BCAS1: variants seen among roughly 807,000 people sequenced by gnomAD.
The protein encoded by BCAS1 is breast carcinoma-amplified sequence 1.
Under a neutral mutation model 65.4 loss-of-function variants are expected in BCAS1, and 46 were observed. That is an observed-to-expected ratio of 0.70 (90% confidence interval 0.55 to 0.90). The LOEUF (loss-of-function observed/expected upper bound fraction) is 0.90, where lower values mean the gene tolerates loss of function less well. Ranked by LOEUF, BCAS1 falls within the 40% of genes least tolerant of loss-of-function variation. The pLI is 0.00. For missense variants in BCAS1, 793 were observed against 771.2 expected, an observed-to-expected ratio of 1.03 and a Z score of -0.33; for synonymous variants, 298 against 293.5, an observed-to-expected ratio of 1.02 and a Z score of -0.16.
At chr20:54,061,529 GA>G (rs1335202819) in intron 1 of BCAS1, among the ~76,000 whole-genome samples, 3 of 152,210 alleles carry the variant, frequency 2.0e-5, no homozygotes, top group African/African-American at 4.8e-5. Context: ...AGGAGTCAAT[GA>G]GTCACCAGGG....
chr20:53,981,184 C>A (rs755004296), intron 8 of BCAS1, among the ~76,000 whole-genome samples: 2 of 152,196 alleles, frequency 1.3e-5, no homozygotes, highest in Non-Finnish European at 2.9e-5. Context: ...TCATTTTGAT[C>A]ATGTGACAGC....
rs573246059 is a variant in BCAS1, at chr20:54,070,053, G to A, written c.-6+380C>T. Among the ~76,000 whole-genome samples, 25 of 152,240 alleles carry A rather than the reference G, an allele frequency of 1.6e-4. No individual in the cohort carries two copies. In the South Asian group the frequency reaches 4.1e-3, roughly 25 times the overall value. On this transcript the variant is annotated intron_variant, in intron 1 of 12. Coordinates refer to ENST00000688948, the MANE Select transcript of BCAS1 (RefSeq NM_001366298.2). ...TGAGGTGAAGGCTCAGATTCCACTC[G>A]GCTATGGGGCATTCTTGCCCTGACG... is the stretch of plus-strand genomic sequence containing the variant.
At chr20:53,987,146 T>C (rs751298613) in intron 7 of BCAS1, among the ~76,000 whole-genome samples, 108 of 152,216 alleles carry the variant, frequency 7.1e-4, no homozygotes, top group Non-Finnish European at 1.3e-3. Flanking sequence ...TACTATTTGA[T>C]GCAAGACACA....
chr20:54,028,815 A>G lies in BCAS1; in HGVS notation c.300T>C (p.Ser100=). 1 of 1,614,038 alleles carries G rather than the reference A, an allele frequency of 6.2e-7. No individual in the cohort carries two copies. Among genetic ancestry groups the G allele is most frequent in the East Asian group, 2.2e-5 (1 of 44,862 alleles). ...CTCCGGTACGTCCTGGTACAGGCCGAGAGAGCATCAAGAAAAAACGAGATT... is the reference window on the plus strand; with the variant it reads ...CTCCGGTACGTCCTGGTACAGGCCGGGAGAGCATCAAGAAAAAACGAGATT... ...AAKSRFFLML[S]RPVPGRTGDQ... is the part of the protein sequence containing the mutation. Residue 100 remains serine, a synonymous_variant, in exon 4 of 13, where the codon TCT becomes TCC. Coordinates refer to ENST00000688948, the MANE Select transcript of BCAS1 (RefSeq NM_001366298.2).
At chr20:53,999,584 G>T (rs2091006905) in intron 4 of BCAS1, among the ~76,000 whole-genome samples, 1 of 151,496 alleles carries the variant, frequency 6.6e-6, no homozygotes, top group Non-Finnish European at 1.5e-5. Context: ...TTTTCCCCCT[G>T]GGTCACTCTT....
chr20:53,959,288 C>T (rs2089801510), intron 10 of BCAS1, among the ~76,000 whole-genome samples: 2 of 151,286 alleles, frequency 1.3e-5, no homozygotes, highest in Admixed American at 6.6e-5. Flanking sequence ...GAGTCTCACT[C>T]TCTTGCCCAA....
chr20:54,014,516 T>C (rs931337656), intron 4 of BCAS1, among the ~76,000 whole-genome samples: 1 of 152,248 alleles, frequency 6.6e-6, no homozygotes, highest in African/African-American at 2.4e-5. Flanking sequence ...AAATATAAGA[T>C]AAGGCTTAAA....
At chr20:54,066,815 A>T (rs756021) in intron 1 of BCAS1, among the ~76,000 whole-genome samples, 1 of 152,036 alleles carries the variant, frequency 6.6e-6, no homozygotes, top group Non-Finnish European at 1.5e-5. Context: ...TTTGGTTACC[A>T]CAGCCCAAGC....
chr20:54,066,371 C>A (rs190892555), intron 1 of BCAS1, among the ~76,000 whole-genome samples: 1 of 152,274 alleles, frequency 6.6e-6, no homozygotes, highest in African/African-American at 2.4e-5. Context: ...CGGGCCCGGC[C>A]GAGGCAGGTA....
intron 3 of BCAS1, among the ~76,000 whole-genome samples, chr20:54,046,528 CAAAAA>C (rs71196442): frequency 1.8e-5 from 1 of 54,214 alleles, no homozygotes; most frequent in Non-Finnish European, 3.6e-5. Flanking sequence ...GACTCCATCT[CAAAAA>C]AAAAAAAAAA....
chr20:54,021,771 A>C (rs1200089369), intron 4 of BCAS1, among the ~76,000 whole-genome samples: 1 of 152,196 alleles, frequency 6.6e-6, no homozygotes, highest in Admixed American at 6.5e-5. Flanking sequence ...TAGCTAATGC[A>C]TGCTGGGCTT....
In BCAS1 at chr20:54,041,908, C is replaced by CAAAAAA. The variant is rs1391284796; in HGVS notation, c.143-12937_143-12936insTTTTTT. Among the ~76,000 whole-genome samples, 348 of 67,174 alleles carry CAAAAAA rather than the reference C, an allele frequency of 5.2e-3. 42 individuals are homozygous for CAAAAAA. The highest frequency in any genetic ancestry group is 0.014 in the South Asian group (19 of 1,326). The allele number at this position is 67,174 out of a possible 152,430, so 44.1% of individuals were successfully genotyped here. On this transcript the variant is annotated intron_variant, in intron 3 of 12. Transcript: ENST00000688948. ...AGTTCAGAGTGAGACTCTGTCTCCC[C>CAAAAAA]CAAAAAAAAAAAAAAAAAAAAAAGA... is the stretch of plus-strand genomic sequence containing the variant.
At chr20:53,959,340 G>C (rs998360585) in intron 10 of BCAS1, among the ~76,000 whole-genome samples, 3 of 150,948 alleles carry the variant, frequency 2.0e-5, no homozygotes, top group Admixed American at 1.3e-4. Context: ...TGCAGCTTCT[G>C]CCTCCCAGGT....
At chr20:54,065,185 T>TCA (rs3043225) in intron 1 of BCAS1, among the ~76,000 whole-genome samples, 95,225 of 150,670 alleles carry the variant, frequency 0.63, 30,934 homozygotes, top group African/African-American at 0.76. Context: ...TCTATCTATC[T>TCA]CACACACACT....
At chr20:54,049,480 T>C (rs552774102) in intron 3 of BCAS1, among the ~76,000 whole-genome samples, 213 of 152,294 alleles carry the variant, frequency 1.4e-3, no homozygotes, top group African/African-American at 5.1e-3. Context: ...TATGAAGTTT[T>C]AGGCATAAAT....
At chr20:53,973,371 AT>A (rs1350214618) in intron 9 of BCAS1, among the ~76,000 whole-genome samples, 2 of 152,112 alleles carry the variant, frequency 1.3e-5, no homozygotes, top group Non-Finnish European at 2.9e-5. Context: ...ATTTTACCTT[AT>A]TTTATGTCCC....
At chr20:53,969,970 A>G (rs2090137873) in intron 9 of BCAS1, among the ~76,000 whole-genome samples, 1 of 152,202 alleles carries the variant, frequency 6.6e-6, no homozygotes, top group Admixed American at 6.5e-5. Context: ...TGGGGGTATA[A>G]AGTTGGCAAC....
intron 1 of BCAS1, among the ~76,000 whole-genome samples, chr20:54,066,555 G>A (rs1237774983): frequency 2.6e-5 from 4 of 152,186 alleles, no homozygotes; most frequent in Admixed American, 2.6e-4. Context: ...AAGGAATCAA[G>A]GCTAAATGAA....
intron 3 of BCAS1, among the ~76,000 whole-genome samples, chr20:54,040,456 C>T (rs999117413): frequency 6.6e-6 from 1 of 151,050 alleles, no homozygotes; most frequent in Non-Finnish European, 1.5e-5. Flanking sequence ...CAAAGGGTGA[C>T]TATTATTACT....
Sources: allele counts gnomAD v4.1 joint callset (sites outside exome capture counted in the v4.1 genomes callset), GRCh38; gene constraint gnomAD v4.1.1; transcripts MANE v1.5; gene names NCBI Gene and HGNC (gene_info 2026-07-23, HGNC 2026-07-21).